Variants in PTPRT observed in about 807,000 individuals in gnomAD.
PTPRT encodes protein tyrosine phosphatase receptor type T.
PTPRT carries 56 observed loss-of-function variants against 176.8 expected under a neutral mutation model. That is an observed-to-expected ratio of 0.32 (90% CI 0.26 to 0.40). The LOEUF is 0.40. Ranked by LOEUF, PTPRT falls within the 10% of genes least tolerant of loss-of-function variation. The probability of loss-of-function intolerance (pLI) is 1.00; values close to 1 mark genes in which losing one functional copy is unlikely to be tolerated. For synonymous variants in PTPRT, 783 were observed against 739.0 expected, an observed-to-expected ratio of 1.06 and a Z score of -0.96; for missense variants, 1,540 against 1,908.2, an observed-to-expected ratio of 0.81 and a Z score of 3.60.
At chr20:42,665,219 C>T (rs1600573347) in intron 7 of PTPRT, among the ~76,000 whole-genome samples, 1 of 152,074 alleles carries the variant, frequency 6.6e-6, no homozygotes, top group African/African-American at 2.4e-5. Context: ...GGGCTAATAT[C>T]CAGAATCTAC....
chr20:42,263,028 G>A (rs1301840793), intron 13 of PTPRT, among the ~76,000 whole-genome samples: 1 of 152,148 alleles, frequency 6.6e-6, no homozygotes, highest in African/African-American at 2.4e-5. Flanking sequence ...AGAGGAGAGT[G>A]TGAGAAGGCA....
intron 1 of PTPRT, among the ~76,000 whole-genome samples, chr20:43,022,879 T>C (rs1448889659): frequency 6.6e-6 from 1 of 152,168 alleles, no homozygotes; most frequent in Non-Finnish European, 1.5e-5. Context: ...GGCAACATGG[T>C]TACTCCAGAC....
intron 11 of PTPRT, among the ~76,000 whole-genome samples, chr20:42,335,002 C>A (rs1484708446): frequency 6.6e-6 from 1 of 152,132 alleles, no homozygotes; most frequent in Non-Finnish European, 1.5e-5. Flanking sequence ...AGTGGATGAG[C>A]AGTTTTAAGA....
intron 1 of PTPRT, among the ~76,000 whole-genome samples, chr20:43,114,902 T>G (rs1262257569): frequency 6.6e-6 from 1 of 152,200 alleles, no homozygotes; most frequent in Non-Finnish European, 1.5e-5. Flanking sequence ...GAGTATGTTC[T>G]GAAAACTAGT....
At chr20:43,103,748 C>CAATAATAATAAT (rs1555832522) in intron 1 of PTPRT, among the ~76,000 whole-genome samples, 3 of 79,548 alleles carry the variant, frequency 3.8e-5, no homozygotes, top group African/African-American at 5.5e-5. Flanking sequence ...GAGGGGAGAT[C>CAATAATAATAAT]AGTAATAATA....
chr20:43,140,714 T>C (rs2013978395), intron 1 of PTPRT, among the ~76,000 whole-genome samples: 1 of 152,192 alleles, frequency 6.6e-6, no homozygotes, highest in Admixed American at 6.5e-5. Flanking sequence ...ATTCAGTGTT[T>C]CAGATTCACC....
intron 7 of PTPRT, among the ~76,000 whole-genome samples, chr20:42,576,447 C>T (rs1378189465): frequency 2.6e-5 from 4 of 152,150 alleles, no homozygotes; most frequent in Admixed American, 6.5e-5. Context: ...CGGGATGCAT[C>T]GGTGAGTCAA....
At chr20:42,375,085 T>C (rs2058635086) in intron 9 of PTPRT, among the ~76,000 whole-genome samples, 2 of 152,174 alleles carry the variant, frequency 1.3e-5, no homozygotes, top group South Asian at 4.1e-4. Flanking sequence ...GACTCCAAAA[T>C]GTATTTGACA....
At chr20:42,039,704 T>TATATATATATATATATATA in the PTPRT span, among the ~76,000 whole-genome samples, 276 of 65,264 alleles carry the variant, frequency 4.2e-3, 11 homozygotes, top group Middle Eastern at 0.06. Flanking sequence ...ATATATATAG[T>TATATATATATATATATATA]AATGTATATT....
chr20:42,058,869 C>A, the PTPRT span, among the ~76,000 whole-genome samples: 9 of 152,192 alleles, frequency 5.9e-5, no homozygotes, highest in South Asian at 1.7e-3. Flanking sequence ...TTTTTCTCAG[C>A]CCCAAAAGCT....
chr20:42,596,379 C>T (rs564868523), intron 7 of PTPRT, among the ~76,000 whole-genome samples: 1 of 152,340 alleles, frequency 6.6e-6, no homozygotes, highest in South Asian at 2.1e-4. Flanking sequence ...GTATCATCTT[C>T]GTTTGTTCCT....
intron 7 of PTPRT, among the ~76,000 whole-genome samples, chr20:42,624,392 T>C (rs967852458): frequency 6.6e-6 from 1 of 152,222 alleles, no homozygotes; most frequent in Non-Finnish European, 1.5e-5. Flanking sequence ...CGGCAGAGAA[T>C]TCCTTTATCA....
intron 7 of PTPRT, among the ~76,000 whole-genome samples, chr20:42,490,271 C>G (rs1386600331): frequency 6.6e-6 from 1 of 152,120 alleles, no homozygotes; most frequent in Non-Finnish European, 1.5e-5. Context: ...TCGTTAAAAA[C>G]TTAACAGAAA....
rs1035541327 is a variant in PTPRT at position 42,476,543 on chromosome 20, T to A, written c.1154-3981A>T. On this transcript the variant is annotated intron_variant, in intron 7 of 30. Transcript: ENST00000373187. Reference sequence around the variant, plus strand: ...AAAGGAACCTTGGAAAATGTGCTCATGTGTGTTACTGAAATCTTGGGAGAT... The same window carrying A: ...AAAGGAACCTTGGAAAATGTGCTCAAGTGTGTTACTGAAATCTTGGGAGAT... Among the ~76,000 whole-genome samples the A allele has an allele frequency of 4.6e-5, 7 of 152,308 alleles. No homozygotes were observed. The East Asian group carries it at 1.4e-3, about 29-fold the overall frequency.
intron 11 of PTPRT, among the ~76,000 whole-genome samples, chr20:42,350,138 C>T (rs1313063581): frequency 6.6e-6 from 1 of 151,642 alleles, no homozygotes; most frequent in Non-Finnish European, 1.5e-5. Flanking sequence ...ACCGACCCCA[C>T]TAACTAAATT....
intron 7 of PTPRT, among the ~76,000 whole-genome samples, chr20:42,601,875 T>C (rs1373212279): frequency 6.6e-6 from 1 of 152,180 alleles, no homozygotes; most frequent in Non-Finnish European, 1.5e-5. Context: ...GCTATCAATT[T>C]CTGGCTAGCA....
At chr20:42,033,751 G>C in the PTPRT span, among the ~76,000 whole-genome samples, 37 of 152,154 alleles carry the variant, frequency 2.4e-4, no homozygotes, top group Non-Finnish European at 3.5e-4. Context: ...ACAAGGCATG[G>C]TATGAATTAA....
At chr20:42,797,564 G>A (rs930602926) in intron 2 of PTPRT, among the ~76,000 whole-genome samples, 12 of 129,502 alleles carry the variant, frequency 9.3e-5, no homozygotes, top group African/African-American at 1.3e-4. Flanking sequence ...CACAGTCCTC[G>A]GCCACTTTGT....
At chr20:42,655,056 T>G (rs2075100929) in intron 7 of PTPRT, among the ~76,000 whole-genome samples, 1 of 152,234 alleles carries the variant, frequency 6.6e-6, no homozygotes, top group South Asian at 2.1e-4. Context: ...ATGAGACATG[T>G]AATACCCCTT....
Sources: gnomAD v4.1 joint callset for allele counts (sites outside exome capture counted in the v4.1 genomes callset) on GRCh38, gnomAD v4.1.1 for gene constraint, MANE v1.5 for transcripts, NCBI Gene and HGNC (gene_info 2026-07-23, HGNC 2026-07-21) for gene names.